PLEKHA4: variants seen among roughly 807,000 people sequenced by gnomAD.
The protein encoded by PLEKHA4 is pleckstrin homology domain containing A4, also known as pleckstrin homology domain-containing family A member 4.
PLEKHA4 carries 73 observed loss-of-function variants against 94.7 expected under a neutral mutation model. The ratio of observed to expected loss-of-function variants is 0.77; its 90% CI spans 0.64 to 0.94. PLEKHA4 has a LOEUF of 0.94. Ranked by LOEUF, PLEKHA4 falls within the 40% of genes least tolerant of loss-of-function variation. PLEKHA4 has a pLI of 0.00. For synonymous variants in PLEKHA4, 449 were observed against 437.1 expected (o/e 1.03, Z -0.34); for missense variants, 1,049 against 1,054.1 (o/e 1.00, Z 0.07).
chr19:48,847,795 G>C (rs1477257871), intron 14 of PLEKHA4, 105 bp downstream of exon 14: 2 of 1,324,096 alleles, frequency 1.5e-6, no homozygotes, highest in Non-Finnish European at 2.0e-6. Context: ...GTACCAGGTG[G>C]GTTAGCTGAT....
rs753892701 is a variant in PLEKHA4 at position 48,859,632 on chromosome 19, G to A, written c.529C>T (p.Pro177Ser). The A allele has an allele frequency of 6.2e-7, 1 of 1,612,696 alleles. No homozygotes were observed. Among genetic ancestry groups the A allele is most frequent in the East Asian group, 2.2e-5 (1 of 44,874 alleles). Residue 177 changes from proline (P) to serine (S), a missense_variant, in exon 7 of 20, where the codon CCC (proline) becomes TCC (serine). Physicochemically the swap from Pro to Ser is moderately conservative, Grantham distance 74 (BLOSUM62 -1). Coordinates refer to ENST00000263265, the MANE Select transcript of PLEKHA4 (RefSeq NM_020904.3). ...CTGCTCACCTCCGGGGGACCACCGG[G>A]GCCGCCGGGGCCCTCCCCGGGCTGG... ...RPQPGEGPGG[P>S]GGPPEVSRGE...
intron 3 of PLEKHA4, among the ~76,000 whole-genome samples, chr19:48,862,196 T>TTC (rs928420761): frequency 2.2e-5 from 3 of 139,210 alleles, no homozygotes; most frequent in African/African-American, 5.8e-5. Context: ...TTCTTTTCTT[T>TTC]TCTCTCTCTT....
chr19:48,858,954 C>T lies in PLEKHA4; in HGVS notation c.878G>A (p.Arg293Gln), dbSNP rs372903958. 6.3e-7 allele frequency: 1 copy of T among 1,590,378 alleles called. No homozygotes were observed. Among genetic ancestry groups the T allele is most frequent in the Admixed American group, 1.9e-5 (1 of 52,882 alleles). Residue 293 changes from arginine (R) to glutamine (Q), a missense_variant, in exon 8 of 20, where the codon CGA becomes CAA. Physicochemically the swap from Arg to Gln is conservative, Grantham distance 43. Coordinates refer to ENST00000263265, the MANE Select transcript of PLEKHA4 (RefSeq NM_020904.3). The stretch of plus-strand genomic sequence containing the variant: ...AGGTCCTCGGCGGGGAGTAGGGGGT[C>T]GGGAGAGGGTCTGGCGTTGGGGGCC... Reference protein sequence around the residue: ...DWGPQRQTLSRPPTPRRGPPS... With the variant: ...DWGPQRQTLSQPPTPRRGPPS...
chr19:48,859,278 G>A, intron 7 of PLEKHA4, 139 bp from the exon 8 acceptor site: 1 of 904,290 alleles, frequency 1.1e-6, no homozygotes, highest in Non-Finnish European at 1.7e-6. Flanking sequence ...CTCCTCTACT[G>A]TCCAAATCCT....
chr19:48,861,409 T>C lies in PLEKHA4; in HGVS notation c.358A>G (p.Thr120Ala), dbSNP rs1225669250. The change falls in exon 5 of 20, where the codon ACC becomes GCC. Residue 120 changes from threonine to alanine, a missense_variant. Coordinates refer to ENST00000263265, the MANE Select transcript of PLEKHA4 (RefSeq NM_020904.3). ...TGGATGGATGGACTCACGGTGAAGG[T>C]GAAGCGCCGCCCTCGGGGGGCTCCC... Reference protein sequence around the residue: ...GPGAPRGRRFTFTAEHPGMRT... With the variant: ...GPGAPRGRRFAFTAEHPGMRT... 1.2e-6 allele frequency: 2 copies of C among 1,613,292 alleles called. No individual in the cohort carries two copies. Among genetic ancestry groups the C allele is most frequent in the South Asian group, 1.1e-5 (1 of 91,048 alleles).
Position 48,847,953 on chromosome 19 carries a change from C to T in PLEKHA4, c.1513G>A (p.Glu505Lys), listed in dbSNP as rs751825898. 17 of 1,610,500 alleles carry T rather than the reference C, an allele frequency of 1.1e-5. 1 individual carries two copies. The highest frequency in any genetic ancestry group is 2.2e-5 in the South Asian group (2 of 90,686). ...AGCACGGGAGATGGGGAGTCAGGCT[C>T]AGTGTGTGGGGGCGGTTTCTGGGGG... ...GGPQKPPPHT[E>K]PDSPSPVLQG... Residue 505 changes from glutamate to lysine, a missense_variant, in exon 14 of 20, where the codon GAG (glutamate) becomes AAG (lysine). Glu to Lys is a moderately conservative substitution (Grantham distance 56). Coordinates refer to ENST00000263265, the MANE Select transcript of PLEKHA4 (RefSeq NM_020904.3).
intron 17 of PLEKHA4, among the ~76,000 whole-genome samples, chr19:48,840,692 T>C (rs935655346): frequency 6.6e-6 from 1 of 152,022 alleles, no homozygotes. Flanking sequence ...CCCAAATTGC[T>C]GGGATTACAG....
chr19:48,860,314 TGGAGGGTCA>T, intron 6 of PLEKHA4, 27 bp downstream of exon 6: 1 of 1,551,902 alleles, frequency 6.4e-7, no homozygotes, highest in Non-Finnish European at 8.9e-7. Context: ...TGACTCAGGG[TGGAGGGTCA>T]GGAGCATGGC....
intron 16 of PLEKHA4, chr19:48,845,087 C>T (rs927390850): frequency 9.4e-5 from 28 of 297,692 alleles, no homozygotes; most frequent in South Asian, 2.3e-4. Context: ...CGCCTGGCCT[C>T]ATTCATCTAG....
At chr19:48,857,684 G>A (rs545497497) in intron 8 of PLEKHA4, among the ~76,000 whole-genome samples, 188 bp from the exon 9 acceptor site, 13 of 151,344 alleles carry the variant, frequency 8.6e-5, no homozygotes, top group Middle Eastern at 3.4e-3. Context: ...GGCAGTGCAA[G>A]ATGTGCTTTG....
In PLEKHA4 at chr19:48,861,423, C is replaced by CG. The variant is rs777845614; in HGVS notation, c.343dup (p.Arg115ProfsTer22). The CG allele has an allele frequency of 2.5e-6, 4 of 1,613,718 alleles. No individual in the cohort carries two copies. The highest frequency in any genetic ancestry group is 3.3e-5 in the Admixed American group (2 of 59,984). ...CACGGTGAAGGTGAAGCGCCGCCCTCGGGGGGCTCCCGGCCCATCTGGTCT... is the reference window on the plus strand; with the variant it reads ...CACGGTGAAGGTGAAGCGCCGCCCTCGGGGGGGCTCCCGGCCCATCTGGTCT... On this transcript the variant is annotated frameshift_variant, in exon 5 of 20. Coordinates refer to ENST00000263265, the MANE Select transcript of PLEKHA4 (RefSeq NM_020904.3). LOFTEE classifies it high-confidence loss of function.
rs1319005427 is a variant in PLEKHA4 at position 48,867,671 on chromosome 19, G to A, written c.-6-45C>T. The A allele has an allele frequency of 6.6e-7, 1 of 1,524,866 alleles. No homozygotes were observed. Among genetic ancestry groups the A allele is most frequent in the Non-Finnish European group, 8.9e-7 (1 of 1,122,420 alleles). The allele number at this position is 1,524,866 out of a possible 1,614,324, so 94.5% of individuals were successfully genotyped here. On this transcript the variant is annotated intron_variant, in intron 1 of 19. Coordinates refer to ENST00000263265, the MANE Select transcript of PLEKHA4 (RefSeq NM_020904.3). This position sits in a 1 kb window ranked among gnomAD's most constrained non-coding sequence, Gnocchi z 4.7. Reference sequence around the variant, plus strand: ...GGGCTGTGTCTCTGCAGTGACGGGTGTGAGACAGAGATGGGGTCAGGGGCT... The same window carrying A: ...GGGCTGTGTCTCTGCAGTGACGGGTATGAGACAGAGATGGGGTCAGGGGCT...
chr19:48,849,003 G>A (rs532682700), intron 13 of PLEKHA4, among the ~76,000 whole-genome samples: 141 of 151,996 alleles, frequency 9.3e-4, no homozygotes, highest in Middle Eastern at 3.4e-3. Context: ...GGGCTTAAGC[G>A]ATCCTTCCAC....
intron 9 of PLEKHA4, among the ~76,000 whole-genome samples, chr19:48,856,497 A>G (rs1599907593): frequency 6.6e-6 from 1 of 152,000 alleles, no homozygotes. Flanking sequence ...AGGCGGGAGG[A>G]TCACGAGGTT....
At position 48,859,599 on chromosome 19, in the gene PLEKHA4, C is replaced by T; in HGVS notation, c.562G>A (p.Glu188Lys). Reference protein sequence around the residue: ...GGPPEVSRGEEGRISESPEVT... With the variant: ...GGPPEVSRGEKGRISESPEVT... ...TCCGGTGATTCTGAGATGCGCCCCT[C>T]TTCCCCTCTGCTCACCTCCGGGGGA... is the stretch of plus-strand genomic sequence containing the variant. Residue 188 changes from glutamate (E) to lysine (K), a missense_variant, in exon 7 of 20, where the codon GAG (glutamate) becomes AAG (lysine). Glu to Lys is a moderately conservative substitution (Grantham distance 56). Transcript: ENST00000263265. 1 of 1,613,790 alleles carries T rather than the reference C, an allele frequency of 6.2e-7. No homozygotes were observed. Among genetic ancestry groups the T allele is most frequent in the Non-Finnish European group, 8.5e-7 (1 of 1,179,994 alleles).
intron 3 of PLEKHA4, among the ~76,000 whole-genome samples, chr19:48,863,267 G>A (rs975323957): frequency 1.3e-5 from 2 of 151,896 alleles, no homozygotes; most frequent in Non-Finnish European, 2.9e-5. Context: ...GTTTTGTTTT[G>A]TTTTGAGATG....
At position 48,837,696 on chromosome 19, in the gene PLEKHA4, C is replaced by T; in HGVS notation, c.2078-145G>A. 2.0e-6 allele frequency: 2 copies of T among 1,014,438 alleles called. No homozygotes were observed. Among genetic ancestry groups the T allele is most frequent in the East Asian group, 2.6e-5 (1 of 38,504 alleles). The allele number at this position is 1,014,438 out of a possible 1,614,324, so 62.8% of individuals were successfully genotyped here. On this transcript the variant is annotated intron_variant, in intron 19 of 19. Transcript: ENST00000263265. The surrounding 1 kb of genome is among the most constrained non-coding windows in gnomAD (Gnocchi z 4.3). ...GGAGTCCAGGCCCCCAGCCCCTCCT[C>T]CCTCAGACCCAGGAGTCCAGGCCCC...
chr19:48,866,262 T>A (rs1287118616), intron 2 of PLEKHA4, among the ~76,000 whole-genome samples: 1 of 151,746 alleles, frequency 6.6e-6, no homozygotes, highest in Non-Finnish European at 1.5e-5. Context: ...TTACTTTTTG[T>A]AGGGGACGGG....
chr19:48,848,495 A>C (rs1036143582), intron 13 of PLEKHA4, among the ~76,000 whole-genome samples: 5 of 146,226 alleles, frequency 3.4e-5, no homozygotes, highest in South Asian at 2.2e-4. Context: ...CAAAAAAAAA[A>C]AAAAAACTGT....
Sources: gnomAD v4.1 joint callset for allele counts (sites outside exome capture counted in the v4.1 genomes callset) on GRCh38, gnomAD v4.1.1 for gene constraint, Gnocchi (gnomAD v3.1) non-coding constraint, MANE v1.5 for transcripts, NCBI Gene and HGNC (gene_info 2026-07-23, HGNC 2026-07-21) for gene names.